Variants in FHIT observed in about 807,000 individuals in gnomAD.
FHIT encodes fragile histidine triad diadenosine triphosphatase.
Under a neutral mutation model 17.9 loss-of-function variants are expected in FHIT, and 19 were observed. The observed-to-expected ratio is 1.06, with a 90% CI of 0.74 to 1.56. The LOEUF is 1.56. FHIT is among the 40% of genes most tolerant of loss of function. The pLI is 0.00. For missense variants in FHIT, 248 were observed against 189.2 expected, an observed-to-expected ratio of 1.31 and a Z score of -1.82; for synonymous variants, 81 against 69.7, an observed-to-expected ratio of 1.16 and a Z score of -0.81.
chr3:60,793,460 G>A (rs1175245031), intron 4 of FHIT, among the ~76,000 whole-genome samples: 1 of 151,974 alleles, frequency 6.6e-6, no homozygotes, highest in Non-Finnish European at 1.5e-5. Flanking sequence ...CTGCTACCAC[G>A]CCCAGCTAAT....
chr3:60,924,940 A>G (rs543795366), intron 3 of FHIT, among the ~76,000 whole-genome samples: 2 of 152,362 alleles, frequency 1.3e-5, no homozygotes, highest in African/African-American at 4.8e-5. Flanking sequence ...GATTCGATCA[A>G]CTGGAAGAAA....
At chr3:60,184,515 CCACAAAGATAAAGTGCCATACTCAT>C (rs561959995) in intron 5 of FHIT, among the ~76,000 whole-genome samples, 69 of 152,234 alleles carry the variant, frequency 4.5e-4, no homozygotes, top group African/African-American at 1.2e-3. Context: ...GGGAGGAACA[CCACAAAGATAAAGTGCCATACTCAT>C]CACATCATAG....
intron 4 of FHIT, among the ~76,000 whole-genome samples, chr3:60,706,080 A>G (rs9838172): frequency 0.11 from 16,714 of 152,082 alleles, 1,986 homozygotes; most frequent in African/African-American, 0.3. Flanking sequence ...TCATAATTAT[A>G]ATAAGAGACG....
At chr3:60,378,305 A>G (rs1700661378) in intron 5 of FHIT, among the ~76,000 whole-genome samples, 1 of 152,162 alleles carries the variant, frequency 6.6e-6, no homozygotes. Context: ...AAAAACGCCC[A>G]TAGTTTCCAC....
At chr3:60,273,046 A>T (rs1174431430) in intron 5 of FHIT, among the ~76,000 whole-genome samples, 1 of 152,212 alleles carries the variant, frequency 6.6e-6, no homozygotes, top group African/African-American at 2.4e-5. Flanking sequence ...TAAAAACTAC[A>T]CATATCAGAC....
intron 4 of FHIT, among the ~76,000 whole-genome samples, chr3:60,710,961 G>C (rs1390116321): frequency 2.6e-5 from 4 of 152,232 alleles, no homozygotes; most frequent in Admixed American, 2.0e-4. Flanking sequence ...AGAATGGGCA[G>C]ACTGCCTCCT....
At chr3:60,534,463 A>AAAAAAAAAAC (rs71092610) in intron 5 of FHIT, among the ~76,000 whole-genome samples, 1 of 76,634 alleles carries the variant, frequency 1.3e-5, no homozygotes. Flanking sequence ...AAAAAAAAAA[A>AAAAAAAAAAC]GATGCGTCTC....
chr3:59,975,625 A>AAAATGTT (rs1708375318), intron 7 of FHIT, among the ~76,000 whole-genome samples: 1 of 152,074 alleles, frequency 6.6e-6, no homozygotes, highest in Non-Finnish European at 1.5e-5. Context: ...TGGTTAAAAA[A>AAAATGTT]ACATTAGAGA....
At chr3:59,900,847 C>T (rs958200903) in intron 8 of FHIT, among the ~76,000 whole-genome samples, 3 of 152,174 alleles carry the variant, frequency 2.0e-5, no homozygotes, top group Non-Finnish European at 4.4e-5. Flanking sequence ...CTCCTGACCT[C>T]AAAGGACCCA....
chr3:60,905,431 C>G (rs1358810583), intron 3 of FHIT, among the ~76,000 whole-genome samples: 1 of 152,144 alleles, frequency 6.6e-6, no homozygotes, highest in African/African-American at 2.4e-5. Context: ...TTCTATCTTT[C>G]TACATACCTA....
At chr3:60,848,776 T>C (rs1030015284) in intron 3 of FHIT, among the ~76,000 whole-genome samples, 7 of 152,230 alleles carry the variant, frequency 4.6e-5, no homozygotes, top group African/African-American at 1.2e-4. Flanking sequence ...CTGGTAGCTA[T>C]TTTTTATTGT....
intron 4 of FHIT, among the ~76,000 whole-genome samples, chr3:60,703,820 T>C (rs914493808): frequency 2.0e-5 from 3 of 152,156 alleles, no homozygotes; most frequent in Non-Finnish European, 4.4e-5. Flanking sequence ...TATCTGGGCC[T>C]GGTGCCTTTT....
At chr3:59,995,381 C>T (rs1699463559) in intron 7 of FHIT, among the ~76,000 whole-genome samples, 4 of 152,064 alleles carry the variant, frequency 2.6e-5, no homozygotes, top group Admixed American at 2.6e-4. Flanking sequence ...TTAACTCTAA[C>T]TTAAAGTCAA....
chr3:60,843,357 C>G (rs1487577382), intron 3 of FHIT, among the ~76,000 whole-genome samples: 2 of 152,092 alleles, frequency 1.3e-5, no homozygotes, highest in Non-Finnish European at 2.9e-5. Context: ...AGATACAAAT[C>G]TATCTTTTAG....
At chr3:60,517,836 G>A (rs2107557699) in intron 5 of FHIT, among the ~76,000 whole-genome samples, 1 of 152,280 alleles carries the variant, frequency 6.6e-6, no homozygotes, top group Non-Finnish European at 1.5e-5. Flanking sequence ...CTGTAAAGAA[G>A]TTAGTTAGAA....
chr3:60,722,826 G>A (rs2041838396), intron 4 of FHIT, among the ~76,000 whole-genome samples: 1 of 146,966 alleles, frequency 6.8e-6, no homozygotes, highest in Admixed American at 7.0e-5. Context: ...GGATTCAAAT[G>A]ATTCTCCTGC....
chr3:60,672,209 ACGTC>A (rs2040522403), intron 4 of FHIT, among the ~76,000 whole-genome samples: 2 of 152,182 alleles, frequency 1.3e-5, no homozygotes, highest in South Asian at 4.1e-4. Context: ...TCTTTCATGC[ACGTC>A]CGTGTGAAGA....
At chr3:59,751,297 G>A (rs1382656693) in intron 9 of FHIT, 1 of 179,060 alleles carries the variant, frequency 5.6e-6, no homozygotes, top group Non-Finnish European at 1.2e-5. Context: ...CTGGAATGCA[G>A]TGGCATGATC....
chr3:60,334,728 A>C (rs917552535), intron 5 of FHIT, among the ~76,000 whole-genome samples: 9 of 152,246 alleles, frequency 5.9e-5, no homozygotes, highest in African/African-American at 2.2e-4. Flanking sequence ...CAGAGGTTGC[A>C]GTGAGCTGAG....
Sources: gnomAD v4.1 joint callset for allele counts (sites outside exome capture counted in the v4.1 genomes callset) on GRCh38, gnomAD v4.1.1 for gene constraint, MANE v1.5 for transcripts, NCBI Gene and HGNC (gene_info 2026-07-23, HGNC 2026-07-21) for gene names.